PCDHA3: variants seen among roughly 807,000 people sequenced by gnomAD.
PCDHA3 encodes protocadherin alpha 3.
PCDHA3 carries 41 observed loss-of-function variants against 62.2 expected under a neutral mutation model. The observed-to-expected ratio is 0.66, with a 90% CI of 0.51 to 0.86. The LOEUF (loss-of-function observed/expected upper bound fraction) is 0.86, where lower values mean the gene tolerates loss of function less well. Among genes scored for constraint, PCDHA3 ranks in the 40% least tolerant of loss-of-function variants. The pLI is 0.00. For missense variants in PCDHA3, 1,304 were observed against 1,241.2 expected (o/e 1.05, Z -0.76); for synonymous variants, 640 against 555.4 (o/e 1.15, Z -2.14).
intron 1 of PCDHA3, chr5:140,836,577 T>A: frequency 6.2e-7 from 1 of 1,613,654 alleles, no homozygotes; most frequent in East Asian, 2.2e-5. Context: ...TGAGGGCGCA[T>A]GTAGTTTGGT....
In PCDHA3 at chr5:140,871,116, C is replaced by A. The variant is rs200344692; in HGVS notation, c.2394+67525C>A. On this transcript the variant is annotated intron_variant, in intron 1 of 3. Transcript: ENST00000522353. The stretch of plus-strand genomic sequence containing the variant: ...CCGTGCTGGTGTCGTTGGTGGAGAG[C>A]GGACAGGCGCCAAAGGCCTCTTCCC... The A allele has an allele frequency of 4.3e-4, 686 of 1,613,264 alleles. 1 individual carries two copies. Among genetic ancestry groups the A allele is most frequent in the Middle Eastern group, 2.1e-3 (13 of 6,062 alleles).
intron 1 of PCDHA3, chr5:140,869,467 G>A: frequency 6.2e-7 from 1 of 1,614,204 alleles, no homozygotes; most frequent in South Asian, 1.1e-5. Context: ...TGTGAACGTG[G>A]AGGTGAAGGA....
At chr5:140,982,671 G>T in intron 3 of PCDHA3, 108 bp downstream of exon 3, 1 of 1,454,062 alleles carries the variant, frequency 6.9e-7, no homozygotes, top group South Asian at 1.4e-5. Context: ...TTATATTTTT[G>T]TTATTCCCTT....
At chr5:140,809,335 G>C (rs1764432145) in intron 1 of PCDHA3, 2 of 1,613,974 alleles carry the variant, frequency 1.2e-6, no homozygotes, top group African/African-American at 2.7e-5. Context: ...TCACGCTGCT[G>C]CTGTACACCG....
At chr5:140,937,546 G>A (rs1584916949) in intron 1 of PCDHA3, among the ~76,000 whole-genome samples, 1 of 152,050 alleles carries the variant, frequency 6.6e-6, no homozygotes, top group Non-Finnish European at 1.5e-5. Flanking sequence ...GAACCTGCGA[G>A]GCAGAGGTTG....
intron 3 of PCDHA3, among the ~76,000 whole-genome samples, chr5:140,999,867 C>A (rs1269782566): frequency 1.3e-5 from 2 of 152,190 alleles, no homozygotes; most frequent in African/African-American, 4.8e-5. Context: ...TCCAAGATTA[C>A]TGAAAATTAG....
At chr5:140,880,620 A>C (rs2058397773) in intron 1 of PCDHA3, among the ~76,000 whole-genome samples, 1 of 152,170 alleles carries the variant, frequency 6.6e-6, no homozygotes, top group Non-Finnish European at 1.5e-5. Context: ...AAGAGGGAGG[A>C]GTTAATTATC....
At position 140,926,724 on chromosome 5, in the gene PCDHA3, G is replaced by C. The variant is rs376759295; in HGVS notation, c.2395-52225G>C. 1.5e-5 allele frequency: 15 copies of C among 1,034,056 alleles called. No homozygotes were observed. In the East Asian group the frequency reaches 2.4e-4, roughly 17 times the overall value. 64.1% of individuals were successfully genotyped at this position (1,034,056 alleles called of 1,614,324 possible). On this transcript the variant is annotated intron_variant, in intron 1 of 3. Transcript: ENST00000522353. ...CCAGCTGGCCAGCCCCGGCAATGCC[G>C]GCGTTCGGGAGGCGCAACGTCGGCG...
intron 1 of PCDHA3, among the ~76,000 whole-genome samples, chr5:140,892,143 C>T (rs983937899): frequency 3.3e-5 from 5 of 152,262 alleles, no homozygotes; most frequent in African/African-American, 9.6e-5. Flanking sequence ...ATGGTTTTAG[C>T]GTCTATTTCT....
At chr5:140,956,629 G>A (rs1554222520) in intron 1 of PCDHA3, among the ~76,000 whole-genome samples, 1 of 152,060 alleles carries the variant, frequency 6.6e-6, no homozygotes, top group Non-Finnish European at 1.5e-5. Flanking sequence ...TTGCATCTCT[G>A]CCAGGTTTTG....
chr5:140,917,223 C>G (rs1351907671), intron 1 of PCDHA3, among the ~76,000 whole-genome samples: 3 of 150,934 alleles, frequency 2.0e-5, no homozygotes, highest in African/African-American at 7.3e-5. Context: ...TTTAGTGATA[C>G]GTTGTTAAAT....
chr5:140,893,693 T>G (rs868968555), intron 1 of PCDHA3, among the ~76,000 whole-genome samples: 43 of 152,366 alleles, frequency 2.8e-4, no homozygotes, highest in Middle Eastern at 3.4e-3. Context: ...CATCTCATTC[T>G]ATCCTAGCCT....
At chr5:140,884,410 G>A (rs1562804321) in intron 1 of PCDHA3, 1 of 1,614,004 alleles carries the variant, frequency 6.2e-7, no homozygotes, top group Non-Finnish European at 8.5e-7. Context: ...TGGTGCTCAC[G>A]TTGCTGCTGT....
intron 1 of PCDHA3, among the ~76,000 whole-genome samples, chr5:140,956,246 C>T (rs2095270779): frequency 6.6e-6 from 1 of 152,094 alleles, no homozygotes; most frequent in African/African-American, 2.4e-5. Context: ...GGGAATGCTT[C>T]CAGGTTTTGC....
Position 140,879,336 on chromosome 5 carries a change from AG to A in PCDHA3, c.2394+75746del, listed in dbSNP as rs1391403992. Among the ~76,000 whole-genome samples, 16 of 152,362 alleles carry A rather than the reference AG, an allele frequency of 1.1e-4. No individual in the cohort carries two copies. In the East Asian group the frequency reaches 2.9e-3, roughly 28 times the overall value. ...TGACTCTCACTTTTTTAGTTTGTTC[AG>A]CTGAGAAGATGACATTGCCATTAAC... On this transcript the variant is annotated intron_variant, in intron 1 of 3. Transcript: ENST00000522353.
intron 1 of PCDHA3, among the ~76,000 whole-genome samples, chr5:140,890,937 A>G (rs2153432428): frequency 6.6e-6 from 1 of 152,254 alleles, no homozygotes; most frequent in South Asian, 2.1e-4. Flanking sequence ...TAGTCCAAAG[A>G]TGCTGGTGAG....
intron 1 of PCDHA3, chr5:140,829,221 T>C (rs1206771984): frequency 1.9e-6 from 3 of 1,614,108 alleles, no homozygotes; most frequent in Non-Finnish European, 2.5e-6. Context: ...GTGAACGACC[T>C]CGATTCAGGT....
At chr5:140,914,116 A>T (rs2076611706) in intron 1 of PCDHA3, among the ~76,000 whole-genome samples, 1 of 152,128 alleles carries the variant, frequency 6.6e-6, no homozygotes. Flanking sequence ...ATTAAGTCTG[A>T]TGTTTCTTTG....
intron 1 of PCDHA3, chr5:140,870,277 G>A: frequency 6.2e-7 from 1 of 1,614,168 alleles, no homozygotes; most frequent in Non-Finnish European, 8.5e-7. Context: ...GACGCCCCAC[G>A]TTCCCTTCAA....
Sources: gnomAD v4.1 joint callset for allele counts (sites outside exome capture counted in the v4.1 genomes callset) on GRCh38, gnomAD v4.1.1 for gene constraint, MANE v1.5 for transcripts, NCBI Gene and HGNC (gene_info 2026-07-23, HGNC 2026-07-21) for gene names.